MICOS10: variants seen among roughly 807,000 people sequenced by gnomAD.
The protein encoded by MICOS10 is mitochondrial contact site and cristae organizing system subunit 10, also known as MICOS complex subunit MIC10.
In MICOS10, 5 loss-of-function variants were observed where a neutral mutation model predicts 13.4. The observed-to-expected ratio is 0.37, with a 90% CI of 0.20 to 0.78. The LOEUF is 0.78. MICOS10 is among the 30% of genes least tolerant of loss of function. The probability of loss-of-function intolerance (pLI) is 0.47; values close to 1 mark genes in which losing one functional copy is unlikely to be tolerated. For synonymous variants in MICOS10, 35 were observed against 33.6 expected (o/e 1.04, Z -0.15); for missense variants, 101 against 94.6 (o/e 1.07, Z -0.28).
intron 1 of MICOS10, among the ~76,000 whole-genome samples, chr1:19,607,488 TTAC>T (rs2094839728): frequency 6.6e-6 from 1 of 152,228 alleles, no homozygotes; most frequent in African/African-American, 2.4e-5. Context: ...AGTAATATTT[TTAC>T]TATGGCCACT....
chr1:19,606,451 A>T (rs889797732), intron 1 of MICOS10, among the ~76,000 whole-genome samples: 1 of 152,210 alleles, frequency 6.6e-6, no homozygotes, highest in Non-Finnish European at 1.5e-5. Context: ...CCTTGTTACG[A>T]AAGTATGGCC....
At chr1:19,626,114 G>A (rs2094921191) in intron 3 of MICOS10, among the ~76,000 whole-genome samples, 1 of 152,206 alleles carries the variant, frequency 6.6e-6, no homozygotes, top group Non-Finnish European at 1.5e-5. Context: ...CCCCTGGGAC[G>A]CCTTCGACAG....
chr1:19,611,752 A>T (rs1439825751), intron 1 of MICOS10, among the ~76,000 whole-genome samples: 3 of 151,692 alleles, frequency 2.0e-5, no homozygotes, highest in African/African-American at 7.3e-5. Context: ...CAGGCGGATC[A>T]CTTGAGGTCA....
chr1:19,606,793 G>A (rs1443070106), intron 1 of MICOS10, among the ~76,000 whole-genome samples: 1 of 151,992 alleles, frequency 6.6e-6, no homozygotes, highest in African/African-American at 2.4e-5. Flanking sequence ...AAAAGACTTA[G>A]AAGCTGACTT....
At chr1:19,608,698 G>A in intron 1 of MICOS10, 1 of 570,838 alleles carries the variant, frequency 1.8e-6, no homozygotes, top group South Asian at 2.2e-5. Flanking sequence ...AATACAAAAA[G>A]CAAGTTTCAA....
In MICOS10 at chr1:19,629,609, C is replaced by T. The variant is rs924186590; in HGVS notation, c.*3208C>T. 2.6e-5 allele frequency: 4 copies of T among 152,290 alleles called. No individual in the cohort carries two copies. The highest frequency in any genetic ancestry group is 4.4e-5 in the Non-Finnish European group (3 of 68,034). The allele number at this position is 152,290 out of a possible 1,614,324, so 9.4% of individuals were successfully genotyped here. The stretch of plus-strand genomic sequence containing the variant: ...ATCCATTTCAAAAGATTGCAGATGC[C>T]GTCTTGAAGTCCTGCTTGTAAGAAA... On this transcript the variant is annotated 3_prime_UTR_variant, in exon 4 of 4. Coordinates refer to ENST00000322753, the MANE Select transcript of MICOS10 (RefSeq NM_001032363.4).
In MICOS10 at chr1:19,623,799, A is replaced by C. The variant is rs764769287; in HGVS notation, c.222+216A>C. On this transcript the variant is annotated intron_variant, in intron 3 of 3. Transcript: ENST00000322753. Reference sequence around the variant, plus strand: ...CAGATGCGTATGTACGTTCAGATATATACTCATGTGCTAGCCGATTGGAAT... The same window carrying C: ...CAGATGCGTATGTACGTTCAGATATCTACTCATGTGCTAGCCGATTGGAAT... 2.1e-4 allele frequency: 95 copies of C among 447,142 alleles called. No homozygotes were observed. In the Middle Eastern group the frequency reaches 2.6e-3, roughly 12 times the overall value. The allele number at this position is 447,142 out of a possible 1,614,324, so 27.7% of individuals were successfully genotyped here.
intron 3 of MICOS10, among the ~76,000 whole-genome samples, chr1:19,624,539 C>T (rs1430857465): frequency 3.9e-5 from 6 of 152,164 alleles, no homozygotes; most frequent in African/African-American, 1.2e-4. Context: ...CCACCCGTCT[C>T]GGCCTCCCAA....
rs2094924931 is a variant in MICOS10 at position 19,627,241 on chromosome 1, A to G, written c.*840A>G. 6.6e-6 allele frequency: 1 copy of G among 152,200 alleles called. No individual in the cohort carries two copies. The highest frequency in any genetic ancestry group is 2.1e-4 in the South Asian group (1 of 4,828). 9.4% of individuals were successfully genotyped at this position (152,200 alleles called of 1,614,324 possible). A position where few individuals can be genotyped will look rare whatever the true frequency, so the allele number is the denominator to read the frequency against. On this transcript the variant is annotated 3_prime_UTR_variant, in exon 4 of 4. Coordinates refer to ENST00000322753, the MANE Select transcript of MICOS10 (RefSeq NM_001032363.4). ...CAGGGATGCTAGATGCAAAAGTCAT[A>G]TTTTAGCAATTTCTTCAGACGATAT...
At chr1:19,621,148 TA>T (rs988536189) in intron 1 of MICOS10, among the ~76,000 whole-genome samples, 1 of 152,230 alleles carries the variant, frequency 6.6e-6, no homozygotes, top group Admixed American at 6.5e-5. Flanking sequence ...TACCATTTTA[TA>T]AACCAAGCAA....
intron 1 of MICOS10, chr1:19,608,418 G>T (rs1226842981): frequency 3.9e-6 from 5 of 1,270,198 alleles, no homozygotes; most frequent in Non-Finnish European, 4.6e-6. Context: ...GCCACAGGAG[G>T]AAATAGGACC....
intron 1 of MICOS10, among the ~76,000 whole-genome samples, chr1:19,610,100 C>G (rs958698520): frequency 2.6e-5 from 4 of 152,088 alleles, no homozygotes; most frequent in Non-Finnish European, 2.9e-5. Flanking sequence ...TGAGATCGCT[C>G]CACTGCACTC....
intron 1 of MICOS10, among the ~76,000 whole-genome samples, chr1:19,618,863 T>TC (rs1273295793): frequency 6.6e-6 from 1 of 152,254 alleles, no homozygotes; most frequent in African/African-American, 2.4e-5. Context: ...ATATGGTACT[T>TC]AAGTTTTTGC....
intron 1 of MICOS10, chr1:19,600,908 A>C: frequency 1.6e-6 from 2 of 1,289,308 alleles, no homozygotes; most frequent in Non-Finnish European, 2.0e-6. Context: ...GTCCATCTTG[A>C]TAATTTCATA....
intron 1 of MICOS10, among the ~76,000 whole-genome samples, chr1:19,609,390 T>C (rs1388941577): frequency 6.6e-6 from 1 of 152,210 alleles, no homozygotes; most frequent in East Asian, 1.9e-4. Context: ...TTATACACCG[T>C]TCATTGGAAT....
chr1:19,601,531 C>T (rs1350405247), intron 1 of MICOS10, among the ~76,000 whole-genome samples: 1 of 148,736 alleles, frequency 6.7e-6, no homozygotes, highest in African/African-American at 2.5e-5. Flanking sequence ...GTGCTGTGAT[C>T]GCACCACTGC....
chr1:19,609,772 C>G (rs996497294), intron 1 of MICOS10, among the ~76,000 whole-genome samples: 8 of 152,006 alleles, frequency 5.3e-5, no homozygotes, highest in Non-Finnish European at 1.2e-4. Context: ...TATTTACATA[C>G]GAATTTCTAG....
chr1:19,628,893 A>G lies in MICOS10; in HGVS notation c.*2492A>G, dbSNP rs1302673611. Reference sequence around the variant, plus strand: ...TCTCATTAGCTGTTAGGCTTTAGGCATTTATTTGGATGGATCCCTTTGGCA... The same window carrying G: ...TCTCATTAGCTGTTAGGCTTTAGGCGTTTATTTGGATGGATCCCTTTGGCA... On this transcript the variant is annotated 3_prime_UTR_variant, in exon 4 of 4. Transcript: ENST00000322753. 1.3e-5 allele frequency: 2 copies of G among 152,184 alleles called. No individual in the cohort carries two copies. The highest frequency in any genetic ancestry group is 6.6e-5 in the Admixed American group (1 of 15,258). The allele number at this position is 152,184 out of a possible 1,614,324, so 9.4% of individuals were successfully genotyped here.
At chr1:19,623,620 G>A in intron 3 of MICOS10, 37 bp downstream of exon 3, 1 of 1,447,022 alleles carries the variant, frequency 6.9e-7, no homozygotes, top group Non-Finnish European at 9.7e-7. Flanking sequence ...TCCTTCAGAA[G>A]AAAAAGATTT....
Sources: allele counts gnomAD v4.1 joint callset (sites outside exome capture counted in the v4.1 genomes callset), GRCh38; gene constraint gnomAD v4.1.1; transcripts MANE v1.5; gene names NCBI Gene and HGNC (gene_info 2026-07-23, HGNC 2026-07-21).